TNFSF10: variants seen among roughly 807,000 people sequenced by gnomAD.
The protein encoded by TNFSF10 is TNF superfamily member 10, also known as tumor necrosis factor ligand superfamily member 10.
A neutral mutation model predicts 29.5 loss-of-function variants in TNFSF10; 13 were observed. That is an observed-to-expected ratio of 0.44 (90% CI 0.29 to 0.70). The LOEUF (loss-of-function observed/expected upper bound fraction) is 0.70, where lower values mean the gene tolerates loss of function less well. Among genes scored for constraint, TNFSF10 ranks in the 30% least tolerant of loss-of-function variants. The probability of loss-of-function intolerance (pLI) is 0.13; values close to 1 mark genes in which losing one functional copy is unlikely to be tolerated. For missense variants in TNFSF10, 345 were observed against 330.9 expected (o/e 1.04, Z -0.33); for synonymous variants, 111 against 112.8 (o/e 0.98, Z 0.10).
chr3:172,509,976 CAAA>C lies in TNFSF10; in HGVS notation c.314-658_314-656del, dbSNP rs11290814. Among the ~76,000 whole-genome samples the C allele has an allele frequency of 5.6e-3, 567 of 101,854 alleles. 7 individuals carry two copies. Among genetic ancestry groups the C allele is most frequent in the African/African-American group, 0.018 (526 of 29,916 alleles). 66.8% of individuals were successfully genotyped at this position (101,854 alleles called of 152,430 possible). ...CCTGGGCAACAGAGCAAGACTCCGT[CAAA>C]AAAAAAAAAAAAAAAAAGAAATGTA... On this transcript the variant is annotated intron_variant, in intron 3 of 4. Transcript: ENST00000241261.
chr3:172,510,402 C>T (rs1031449236), intron 3 of TNFSF10, among the ~76,000 whole-genome samples: 1 of 152,152 alleles, frequency 6.6e-6, no homozygotes, highest in East Asian at 1.9e-4. Context: ...CTGCAGTGAG[C>T]CATGATCGTA....
At chr3:172,508,295 CAAAAAAACAAA>C (rs1314201563) in intron 4 of TNFSF10, among the ~76,000 whole-genome samples, 2 of 71,012 alleles carry the variant, frequency 2.8e-5, no homozygotes, top group East Asian at 4.1e-4. Context: ...AACTCCGTCT[CAAAAAAACAAA>C]AAAAAAACAA....
rs769488399 is a variant in TNFSF10 at position 172,511,615 on chromosome 3, ACCTTGAACT to A, written c.306_313+1del. ...TTAAAATAACAACAAAAAAGATACTACCTTGAACTGTAGAAATGGTTTCCTCAGAGGTTC... is the reference window on the plus strand; with the variant it reads ...TTAAAATAACAACAAAAAAGATACTAGTAGAAATGGTTTCCTCAGAGGTTC... On this transcript the variant is annotated splice_donor_variant and coding_sequence_variant, in exon 3 of 5. Transcript: ENST00000241261. LOFTEE classifies it high-confidence loss of function. 6.2e-7 allele frequency: 1 copy of A among 1,609,196 alleles called. No homozygotes were observed. Among genetic ancestry groups the A allele is most frequent in the South Asian group, 1.1e-5 (1 of 90,812 alleles).
chr3:172,521,178 CA>C lies in TNFSF10; in HGVS notation c.132+2074del, dbSNP rs923078831. Among the ~76,000 whole-genome samples, 6 of 152,100 alleles carry C rather than the reference CA, an allele frequency of 3.9e-5. No homozygotes were observed. In the East Asian group the frequency reaches 5.8e-4, roughly 15 times the overall value. On this transcript the variant is annotated intron_variant, in intron 1 of 4. Coordinates refer to ENST00000241261, the MANE Select transcript of TNFSF10 (RefSeq NM_003810.4). ...ACTAAAACACCAAAAGCAATTGCAA[CA>C]AAAGTCAAAATTGACAAATGGGATC...
chr3:172,520,800 G>A (rs987408172), intron 1 of TNFSF10, among the ~76,000 whole-genome samples: 8 of 152,126 alleles, frequency 5.3e-5, no homozygotes, highest in African/African-American at 1.9e-4. Context: ...CAACAACAAA[G>A]CAGGGAAGAT....
intron 1 of TNFSF10, 141 bp downstream of exon 1, chr3:172,523,112 A>T: frequency 9.7e-7 from 1 of 1,035,922 alleles, no homozygotes; most frequent in Non-Finnish European, 1.3e-6. Context: ...CTCAGTTGTT[A>T]TGTGATTTAG....
chr3:172,517,049 T>C (rs1194714478), intron 1 of TNFSF10, among the ~76,000 whole-genome samples: 3 of 152,198 alleles, frequency 2.0e-5, no homozygotes, highest in African/African-American at 7.2e-5. Flanking sequence ...CAAGAAGGTG[T>C]GCATAACACA....
chr3:172,509,493 T>G (rs1433989055), intron 3 of TNFSF10, among the ~76,000 whole-genome samples, 172 bp from the exon 4 acceptor site: 1 of 152,208 alleles, frequency 6.6e-6, no homozygotes, highest in Non-Finnish European at 1.5e-5. Context: ...TACCTCAGCT[T>G]ATGATCAACT....
intron 3 of TNFSF10, 61 bp downstream of exon 3, chr3:172,511,556 A>G: frequency 1.4e-6 from 2 of 1,390,030 alleles, no homozygotes; most frequent in Non-Finnish European, 2.0e-6. Context: ...ATGGAGAACT[A>G]TTCACAACCT....
At chr3:172,512,707 ACT>A (rs1193111003) in intron 2 of TNFSF10, among the ~76,000 whole-genome samples, 1 of 151,718 alleles carries the variant, frequency 6.6e-6, no homozygotes, top group Non-Finnish European at 1.5e-5. Context: ...TCCCACTCTT[ACT>A]CTCTTTCTCT....
chr3:172,522,269 T>C (rs1260397077), intron 1 of TNFSF10: 8 of 675,032 alleles, frequency 1.2e-5, no homozygotes, highest in Non-Finnish European at 2.2e-5. Context: ...ATAGACCTCA[T>C]GTGAGTTATG....
At chr3:172,507,450 C>G (rs1713033394) in intron 4 of TNFSF10, 1 of 152,220 alleles carries the variant, frequency 6.6e-6, no homozygotes, top group South Asian at 2.1e-4. Flanking sequence ...GATGGCGTCT[C>G]TAGCCAAAAA....
chr3:172,515,915 C>CGTTTT (rs1270530141), intron 1 of TNFSF10, among the ~76,000 whole-genome samples: 3 of 152,112 alleles, frequency 2.0e-5, no homozygotes, highest in Admixed American at 6.6e-5. Context: ...TCTTCTCTTC[C>CGTTTT]GTTTTGTTTT....
rs950245470 is a variant in TNFSF10, at chr3:172,506,161, A to G, written c.*331T>C. 16 of 233,388 alleles carry G rather than the reference A, an allele frequency of 6.9e-5. No individual in the cohort carries two copies. Among genetic ancestry groups the G allele is most frequent in the African/African-American group, 3.2e-4 (14 of 43,384 alleles). The allele number at this position is 233,388 out of a possible 1,614,324, so 14.5% of individuals were successfully genotyped here. On this transcript the variant is annotated 3_prime_UTR_variant, in exon 5 of 5. Transcript: ENST00000241261. ...TCTTTCTTCTACAGTCTTTACAAGG[A>G]GTAGATTATAAAGACAGAAGATGTT...
chr3:172,505,523 A>G lies in TNFSF10; in HGVS notation c.*969T>C, dbSNP rs564640420. The G allele has an allele frequency of 2.6e-5, 4 of 152,218 alleles. No individual in the cohort carries two copies. Among genetic ancestry groups the G allele is most frequent in the African/African-American group, 9.6e-5 (4 of 41,526 alleles). 9.4% of individuals were successfully genotyped at this position (152,218 alleles called of 1,614,324 possible). Reference sequence around the variant, plus strand: ...ATACATTTGATCATATTAAATTAAAAGTAAGAAATTTATTTCTTCTGTAAT... The same window carrying G: ...ATACATTTGATCATATTAAATTAAAGGTAAGAAATTTATTTCTTCTGTAAT... On this transcript the variant is annotated 3_prime_UTR_variant, in exon 5 of 5. Transcript: ENST00000241261.
chr3:172,515,258 T>A (rs1713384348), intron 1 of TNFSF10, among the ~76,000 whole-genome samples: 1 of 152,118 alleles, frequency 6.6e-6, no homozygotes, highest in South Asian at 2.1e-4. Flanking sequence ...CTTCCCTGCC[T>A]CCCTTACTAA....
At position 172,506,494 on chromosome 3, in the gene TNFSF10, A is replaced by G. The variant is rs1441121634; in HGVS notation, c.844T>C (p.Ter282GlnextTer12). The G allele has an allele frequency of 4.4e-6, 7 of 1,600,410 alleles. No individual in the cohort carries two copies. Among genetic ancestry groups the G allele is most frequent in the Non-Finnish European group, 6.0e-6 (7 of 1,175,152 alleles). ...ASFFGAFLVG[*>Q] Reference sequence around the variant, plus strand: ...ATTGCTTTTTCTTTCCAGGTCAGTTAGCCAACTAAAAAGGCCCCAAAAAAA... The same window carrying G: ...ATTGCTTTTTCTTTCCAGGTCAGTTGGCCAACTAAAAAGGCCCCAAAAAAA... The change falls in exon 5 of 5, where the codon TAA (stop) becomes CAA (glutamine). Residue 282 changes from the stop codon to glutamine (Q), a stop_lost. Coordinates refer to ENST00000241261, the MANE Select transcript of TNFSF10 (RefSeq NM_003810.4).
chr3:172,509,198 T>C lies in TNFSF10; in HGVS notation c.418+19A>G. The C allele has an allele frequency of 1.9e-6, 3 of 1,595,214 alleles. No individual in the cohort carries two copies. In the South Asian group the frequency reaches 3.4e-5, roughly 18 times the overall value. On this transcript the variant is annotated intron_variant, in intron 4 of 4. Transcript: ENST00000241261. ...TTCCATTATTTTCCCTTAAGTCACT[T>C]ATTTGTTGTTTCTCTTACTTGGAGA...
chr3:172,514,848 TGAGGTTACCTACCTTTCTAAC>T lies in TNFSF10; in HGVS notation c.262_270+12del. 1.2e-6 allele frequency: 2 copies of T among 1,613,342 alleles called. No homozygotes were observed. The highest frequency in any genetic ancestry group is 2.2e-5 in the South Asian group (2 of 91,022). On this transcript the variant is annotated splice_donor_variant and splice_donor_5th_base_variant and coding_sequence_variant and intron_variant, in exon 2 of 5. Transcript: ENST00000241261. LOFTEE classifies it high-confidence loss of function. ...TCCGCCTGCTGGTGAGGTCACCTGGTGAGGTTACCTACCTTTCTAACGAGCTGACGGAGTTGCCACTTGACT... is the reference window on the plus strand; with the variant it reads ...TCCGCCTGCTGGTGAGGTCACCTGGTGAGCTGACGGAGTTGCCACTTGACT...
Sources: gnomAD v4.1 joint callset for allele counts (sites outside exome capture counted in the v4.1 genomes callset) on GRCh38, gnomAD v4.1.1 for gene constraint, MANE v1.5 for transcripts, NCBI Gene and HGNC (gene_info 2026-07-23, HGNC 2026-07-21) for gene names.